The following UTRN variants were observed in gnomAD, a reference collection of about 807,000 sequenced individuals.
UTRN encodes dystrophin-related protein 1.
UTRN carries 283 observed loss-of-function variants against 463.9 expected under a neutral mutation model. That is an observed-to-expected ratio of 0.61 (90% CI 0.55 to 0.67). The LOEUF (loss-of-function observed/expected upper bound fraction) is 0.67, where lower values mean the gene tolerates loss of function less well. Ranked by LOEUF, UTRN falls within the 30% of genes least tolerant of loss-of-function variation. The pLI, the probability that UTRN is intolerant of heterozygous loss-of-function variation, is 0.00. For missense variants in UTRN, 3,922 were observed against 4,084.3 expected (o/e 0.96, Z 1.08); for synonymous variants, 1,442 against 1,431.5 (o/e 1.01, Z -0.17).
At chr6:144,604,908 T>C (rs1378725060) in intron 51 of UTRN, among the ~76,000 whole-genome samples, 2 of 151,768 alleles carry the variant, frequency 1.3e-5, no homozygotes, top group Non-Finnish European at 2.9e-5. Context: ...AGAGCGAAAC[T>C]CGGTCTCAAA....
intron 32 of UTRN, 148 bp downstream of exon 32, chr6:144,491,250 A>T: frequency 1.3e-6 from 1 of 759,302 alleles, no homozygotes; most frequent in Non-Finnish European, 1.9e-6. Context: ...GTGTTAAAAA[A>T]TAAGAAGTGT....
At chr6:144,439,448 G>A (rs1443021937) in intron 12 of UTRN, among the ~76,000 whole-genome samples, 1 of 152,118 alleles carries the variant, frequency 6.6e-6, no homozygotes, top group Admixed American at 6.5e-5. Context: ...ACAACTCTGA[G>A]AAGCATTTGA....
chr6:144,294,597 G>C (rs1212384372), intron 2 of UTRN, among the ~76,000 whole-genome samples: 1 of 151,284 alleles, frequency 6.6e-6, no homozygotes, highest in Admixed American at 6.6e-5. Flanking sequence ...TTTCTTTTTT[G>C]GGGGGAAATT....
intron 48 of UTRN, 34 bp downstream of exon 48, chr6:144,551,116 C>T: frequency 7.5e-7 from 1 of 1,333,656 alleles, no homozygotes; most frequent in Admixed American, 2.0e-5. Flanking sequence ...GTATTATCAT[C>T]CACTTTCCCT....
rs139291810 is a variant in UTRN at position 144,516,686 on chromosome 6, T to C, written c.5404-125T>C. On this transcript the variant is annotated intron_variant, in intron 38 of 74. Coordinates refer to ENST00000367545, the MANE Select transcript of UTRN (RefSeq NM_007124.3). Reference sequence around the variant, plus strand: ...AAAAAAAACATAAATTTTTTGATCGTTCAGGTTAACATATCTTGACGTATA... The same window carrying C: ...AAAAAAAACATAAATTTTTTGATCGCTCAGGTTAACATATCTTGACGTATA... 2.0e-4 allele frequency: 151 copies of C among 774,184 alleles called. No individual in the cohort carries two copies. The African/African-American group carries it at 2.3e-3, about 12-fold the overall frequency. The allele number at this position is 774,184 out of a possible 1,614,324, so 48.0% of individuals were successfully genotyped here. A position where few individuals can be genotyped will look rare whatever the true frequency, so the allele number is the denominator to read the frequency against.
chr6:144,798,404 C>CT (rs1347515988), intron 64 of UTRN, among the ~76,000 whole-genome samples: 7 of 152,118 alleles, frequency 4.6e-5, no homozygotes, highest in Non-Finnish European at 5.9e-5. Flanking sequence ...AATCAAATTA[C>CT]TTTGTGTTAT....
intron 53 of UTRN, among the ~76,000 whole-genome samples, chr6:144,720,170 G>A (rs2128708278): frequency 1.3e-5 from 2 of 152,342 alleles, no homozygotes; most frequent in East Asian, 3.9e-4. Flanking sequence ...CCATTATGGT[G>A]AGCTGATGCC....
At chr6:144,476,301 A>C (rs1232691481) in intron 25 of UTRN, among the ~76,000 whole-genome samples, 1 of 151,802 alleles carries the variant, frequency 6.6e-6, no homozygotes, top group Non-Finnish European at 1.5e-5. Context: ...GGCAGGAATG[A>C]AAACAGAAAG....
intron 69 of UTRN, among the ~76,000 whole-genome samples, chr6:144,835,487 T>G (rs898063948): frequency 4.6e-5 from 7 of 152,208 alleles, no homozygotes; most frequent in Non-Finnish European, 1.0e-4. Context: ...GCTTTTATAC[T>G]AAATGCTGTT....
At chr6:144,690,602 C>T (rs1042971747) in intron 52 of UTRN, among the ~76,000 whole-genome samples, 5 of 152,106 alleles carry the variant, frequency 3.3e-5, no homozygotes, top group South Asian at 2.1e-4. Context: ...TCTTAACCTG[C>T]GACCCGTGCC....
chr6:144,594,270 A>AT (rs34806183), intron 51 of UTRN, among the ~76,000 whole-genome samples: 8 of 151,842 alleles, frequency 5.3e-5, no homozygotes, highest in East Asian at 1.9e-4. Flanking sequence ...GCTTTAATAT[A>AT]TTTTTTTTGT....
intron 23 of UTRN, among the ~76,000 whole-genome samples, chr6:144,468,314 A>C (rs1372480814): frequency 6.6e-6 from 1 of 152,152 alleles, no homozygotes; most frequent in Non-Finnish European, 1.5e-5. Flanking sequence ...CCCATCTGAA[A>C]TGCTTAGAAA....
chr6:144,674,249 T>G (rs1249889240), intron 51 of UTRN, among the ~76,000 whole-genome samples: 1 of 152,002 alleles, frequency 6.6e-6, no homozygotes, highest in Non-Finnish European at 1.5e-5. Flanking sequence ...TTTTCCAAAC[T>G]TTTAGATTTC....
At chr6:144,391,277 A>G (rs905585334) in intron 2 of UTRN, among the ~76,000 whole-genome samples, 2 of 152,012 alleles carry the variant, frequency 1.3e-5, no homozygotes, top group African/African-American at 2.4e-5. Context: ...TCCCTGTGTT[A>G]CCCAGGCTGA....
intron 52 of UTRN, among the ~76,000 whole-genome samples, chr6:144,692,647 T>C (rs1783551355): frequency 6.6e-6 from 1 of 152,002 alleles, no homozygotes; most frequent in African/African-American, 2.4e-5. Context: ...TGATCAGTGA[T>C]GTTGAAGGTT....
chr6:144,323,251 C>G (rs1775777318), intron 2 of UTRN, among the ~76,000 whole-genome samples: 1 of 152,020 alleles, frequency 6.6e-6, no homozygotes, highest in South Asian at 2.1e-4. Flanking sequence ...ATATATATGC[C>G]CTTCAGTAAG....
intron 2 of UTRN, among the ~76,000 whole-genome samples, chr6:144,304,753 T>C (rs970240866): frequency 6.6e-6 from 1 of 152,152 alleles, no homozygotes; most frequent in East Asian, 1.9e-4. Context: ...TTTAGGAGTT[T>C]GAGTTGTATC....
chr6:144,719,819 T>C (rs2128708069), intron 53 of UTRN, among the ~76,000 whole-genome samples: 1 of 152,390 alleles, frequency 6.6e-6, no homozygotes, highest in African/African-American at 2.4e-5. Flanking sequence ...AGACAGGATC[T>C]GATTTATCTA....
intron 65 of UTRN, among the ~76,000 whole-genome samples, chr6:144,814,991 T>A (rs771881622): frequency 7.9e-5 from 12 of 152,202 alleles, no homozygotes; most frequent in Non-Finnish European, 1.5e-4. Flanking sequence ...AAAAAGCCTG[T>A]TAACACTGAA....
Sources: gnomAD v4.1 joint callset for allele counts (sites outside exome capture counted in the v4.1 genomes callset) on GRCh38, gnomAD v4.1.1 for gene constraint, MANE v1.5 for transcripts, NCBI Gene and HGNC (gene_info 2026-07-23, HGNC 2026-07-21) for gene names.